WDR7: variants seen among roughly 807,000 people sequenced by gnomAD.
WDR7 encodes WD repeat domain 7.
In WDR7, 46 loss-of-function variants were observed where a neutral mutation model predicts 169.4. The ratio of observed to expected loss-of-function variants is 0.27; its 90% confidence interval spans 0.21 to 0.35. The LOEUF (loss-of-function observed/expected upper bound fraction) is 0.35, where lower values mean the gene tolerates loss of function less well. WDR7 is among the 10% of genes least tolerant of loss of function. WDR7 has a pLI of 1.00. For synonymous variants in WDR7, 612 were observed against 666.8 expected, an observed-to-expected ratio of 0.92 and a Z score of 1.27; for missense variants, 1,534 against 1,859.3, an observed-to-expected ratio of 0.83 and a Z score of 3.22.
At chr18:56,666,613 C>G (rs988996588) in intron 1 of WDR7, among the ~76,000 whole-genome samples, 1 of 152,182 alleles carries the variant, frequency 6.6e-6, no homozygotes, top group African/African-American at 2.4e-5. Context: ...TTCCATTTAT[C>G]TTTTAATGAG....
At chr18:56,743,044 A>G (rs1361912462) in intron 14 of WDR7, among the ~76,000 whole-genome samples, 1 of 152,234 alleles carries the variant, frequency 6.6e-6, no homozygotes, top group African/African-American at 2.4e-5. Flanking sequence ...TTTAAATTCA[A>G]GAGCTATTTG....
intron 20 of WDR7, among the ~76,000 whole-genome samples, chr18:56,821,747 C>A (rs761957068): frequency 6.6e-6 from 1 of 150,890 alleles, no homozygotes; most frequent in East Asian, 1.9e-4. Context: ...ATAATCCCAG[C>A]ACTTTGGAGA....
intron 12 of WDR7, among the ~76,000 whole-genome samples, chr18:56,712,927 C>T (rs1036097395): frequency 7.9e-5 from 12 of 152,108 alleles, no homozygotes; most frequent in African/African-American, 2.9e-4. Context: ...GGTGGCCTCA[C>T]CTGTTTTGCA....
chr18:57,018,813 C>A (rs1366140303), intron 26 of WDR7, among the ~76,000 whole-genome samples: 1 of 152,138 alleles, frequency 6.6e-6, no homozygotes, highest in Non-Finnish European at 1.5e-5. Context: ...AGAACTGAAT[C>A]TTGATGTTAA....
At chr18:57,021,635 A>C (rs913858891) in intron 27 of WDR7, among the ~76,000 whole-genome samples, 2 of 152,194 alleles carry the variant, frequency 1.3e-5, no homozygotes, top group African/African-American at 4.8e-5. Context: ...TGGCAATAGA[A>C]TATGTTTGAT....
intron 20 of WDR7, among the ~76,000 whole-genome samples, chr18:56,823,284 A>C (rs1378209178): frequency 6.6e-6 from 1 of 152,164 alleles, no homozygotes; most frequent in Non-Finnish European, 1.5e-5. Context: ...TACCAAGTGC[A>C]AAAGGAGCTA....
In WDR7 at chr18:56,756,753, G is replaced by A; in HGVS notation, c.2160G>A (p.Leu720=). Residue 720 remains leucine, a synonymous_variant, in exon 15 of 28, where the codon TTG becomes TTA. Transcript: ENST00000254442. ...PNTALISPEN[L]QKASGSSDKG... is the part of the protein sequence containing the mutation. ...CTGCTCTTATTTCCCCAGAGAATTT[G>A]CAAAAAGCATCTGGCAGTTCAGACA... 2 of 1,614,056 alleles carry A rather than the reference G, an allele frequency of 1.2e-6. No homozygotes were observed. The highest frequency in any genetic ancestry group is 1.7e-6 in the Non-Finnish European group (2 of 1,179,996).
chr18:56,853,358 T>A (rs1195298015), intron 20 of WDR7, among the ~76,000 whole-genome samples: 2 of 152,166 alleles, frequency 1.3e-5, no homozygotes, highest in African/African-American at 4.8e-5. Context: ...AACCTTTGTT[T>A]TAATGGTTTA....
At chr18:56,778,781 A>C (rs1276689271) in intron 17 of WDR7, among the ~76,000 whole-genome samples, 1 of 152,196 alleles carries the variant, frequency 6.6e-6, no homozygotes, top group African/African-American at 2.4e-5. Context: ...ACAATGTTTA[A>C]GATTTTGTAA....
At chr18:56,781,724 A>G in intron 19 of WDR7, 68 bp downstream of exon 19, 1 of 1,389,932 alleles carries the variant, frequency 7.2e-7, no homozygotes, top group Non-Finnish European at 9.4e-7. Flanking sequence ...GTACTCACAA[A>G]TATATATGCT....
intron 21 of WDR7, among the ~76,000 whole-genome samples, chr18:56,885,847 A>G (rs972761639): frequency 1.3e-5 from 2 of 151,804 alleles, no homozygotes; most frequent in Non-Finnish European, 2.9e-5. Flanking sequence ...AAAAACAAAA[A>G]ACTTCAGAAC....
intron 12 of WDR7, among the ~76,000 whole-genome samples, chr18:56,710,813 G>A (rs2026070304): frequency 6.6e-6 from 1 of 152,060 alleles, no homozygotes; most frequent in Admixed American, 6.6e-5. Context: ...TACCTACCTC[G>A]AAGGGTTGTT....
chr18:57,027,327 G>A lies in WDR7; in HGVS notation c.*120G>A. Reference sequence around the variant, plus strand: ...CCTGCCCACCCCAGTGCCATCCAGTGGCACGGCCGGGTCTTGTCACTTGTG... The same window carrying A: ...CCTGCCCACCCCAGTGCCATCCAGTAGCACGGCCGGGTCTTGTCACTTGTG... On this transcript the variant is annotated 3_prime_UTR_variant, in exon 28 of 28. Transcript: ENST00000254442. The A allele has an allele frequency of 3.5e-6, 4 of 1,153,640 alleles. No homozygotes were observed. Among genetic ancestry groups the A allele is most frequent in the Non-Finnish European group, 3.6e-6 (3 of 826,728 alleles). The allele number at this position is 1,153,640 out of a possible 1,614,324, so 71.5% of individuals were successfully genotyped here. A position where few individuals can be genotyped will look rare whatever the true frequency, so the allele number is the denominator to read the frequency against.
At chr18:56,676,097 C>CT (rs768552027) in intron 2 of WDR7, among the ~76,000 whole-genome samples, 35 of 152,170 alleles carry the variant, frequency 2.3e-4, no homozygotes, top group Admixed American at 2.0e-4. Flanking sequence ...TACCCTCTTG[C>CT]TGAATTGACT....
chr18:56,694,489 C>A, intron 9 of WDR7, 130 bp from the exon 10 acceptor site: 1 of 762,866 alleles, frequency 1.3e-6, no homozygotes, highest in Non-Finnish European at 2.0e-6. Context: ...GTTGAATAAT[C>A]ATGCTATAAA....
chr18:56,770,461 G>A (rs1042143253), intron 16 of WDR7, among the ~76,000 whole-genome samples: 2 of 152,206 alleles, frequency 1.3e-5, no homozygotes, highest in African/African-American at 4.8e-5. Context: ...TGGTCTTAGA[G>A]AACTCATTGG....
intron 1 of WDR7, among the ~76,000 whole-genome samples, chr18:56,663,657 TGC>T (rs10537976): frequency 2.7e-4 from 1 of 3,732 alleles, no homozygotes; most frequent in Admixed American, 0.029. Context: ...CATATATATA[TGC>T]ACAGCATATA....
chr18:57,011,417 C>G (rs917276169), intron 26 of WDR7, among the ~76,000 whole-genome samples: 1 of 149,852 alleles, frequency 6.7e-6, no homozygotes, highest in Non-Finnish European at 1.5e-5. Flanking sequence ...TACAATAAAA[C>G]TTAAGATAGC....
chr18:56,686,292 C>T (rs1247443330), intron 6 of WDR7, among the ~76,000 whole-genome samples: 1 of 151,412 alleles, frequency 6.6e-6, no homozygotes, highest in Non-Finnish European at 1.5e-5. Flanking sequence ...AGAGGAGAAA[C>T]GTAAAAGAGG....
Sources: gnomAD v4.1 joint callset for allele counts (sites outside exome capture counted in the v4.1 genomes callset) on GRCh38, gnomAD v4.1.1 for gene constraint, MANE v1.5 for transcripts, NCBI Gene and HGNC (gene_info 2026-07-23, HGNC 2026-07-21) for gene names.